Variants in EHBP1 observed in about 807,000 individuals in gnomAD.
The protein encoded by EHBP1 is EH domain binding protein 1, also known as EH domain-binding protein 1.
EHBP1 carries 55 observed loss-of-function variants against 144.0 expected under a neutral mutation model. The ratio of observed to expected loss-of-function variants is 0.38; its 90% confidence interval spans 0.31 to 0.48. The LOEUF is 0.48. Ranked by LOEUF, EHBP1 falls within the 20% of genes least tolerant of loss-of-function variation. EHBP1 has a pLI of 0.98. For missense variants in EHBP1, 1,200 were observed against 1,364.2 expected (o/e 0.88, Z 1.90); for synonymous variants, 469 against 472.7 (o/e 0.99, Z 0.10).
chr2:62,798,153 C>A (rs773500951), intron 5 of EHBP1, among the ~76,000 whole-genome samples: 1 of 151,928 alleles, frequency 6.6e-6, no homozygotes, highest in Non-Finnish European at 1.5e-5. Context: ...GATCACTTAA[C>A]GTCAGGAGTT....
rs189223968 is a variant in EHBP1, at chr2:62,755,221, G to A, written c.162+7769G>A. 2.1e-4 allele frequency among the ~76,000 whole-genome samples: 32 copies of A among 152,306 alleles called. No individual in the cohort carries two copies. In the East Asian group the frequency reaches 5.6e-3, roughly 27 times the overall value. On this transcript the variant is annotated intron_variant, in intron 3 of 22. Coordinates refer to ENST00000431489, the MANE Select transcript of EHBP1 (RefSeq NM_001142616.3). Reference sequence around the variant, plus strand: ...TTGATTTTCTGTTACCATAAGACTAGTGTTGCTTGTTCTTGAGTTTCATGT... The same window carrying A: ...TTGATTTTCTGTTACCATAAGACTAATGTTGCTTGTTCTTGAGTTTCATGT...
At chr2:62,702,716 C>G (rs2034314642), upstream of EHBP1, among the ~76,000 whole-genome samples, 2 of 152,188 alleles carry the variant, frequency 1.3e-5, no homozygotes. Context: ...CGATGTTTGG[C>G]ACTAAGTATT....
chr2:62,958,177 ATACACT>A (rs2057812780), intron 14 of EHBP1, among the ~76,000 whole-genome samples: 1 of 152,182 alleles, frequency 6.6e-6, no homozygotes, highest in Non-Finnish European at 1.5e-5. Flanking sequence ...GAAGCTAAAC[ATACACT>A]TACATGACCC....
At chr2:62,751,906 C>A (rs1428057738) in intron 3 of EHBP1, among the ~76,000 whole-genome samples, 1 of 151,854 alleles carries the variant, frequency 6.6e-6, no homozygotes, top group Admixed American at 6.6e-5. Flanking sequence ...AGCGGTCTAT[C>A]AATTTTGTTG....
intron 2 of EHBP1, among the ~76,000 whole-genome samples, chr2:62,712,263 G>A (rs2035222702): frequency 1.3e-5 from 2 of 152,152 alleles, no homozygotes; most frequent in Non-Finnish European, 2.9e-5. Context: ...AGATAGGTTG[G>A]TAGATTTGGT....
chr2:62,753,059 T>G (rs956462516), intron 3 of EHBP1, among the ~76,000 whole-genome samples: 3 of 152,204 alleles, frequency 2.0e-5, no homozygotes, highest in Non-Finnish European at 2.9e-5. Context: ...GTTAGCTGGT[T>G]ATTTTGCTCG....
At chr2:63,019,797 G>A (rs1432790078) in intron 19 of EHBP1, among the ~76,000 whole-genome samples, 3 of 126,004 alleles carry the variant, frequency 2.4e-5, no homozygotes, top group African/African-American at 8.9e-5. Context: ...AAAGGGGGAG[G>A]GAAAGGAAAG....
chr2:62,830,988 C>T, intron 6 of EHBP1, 31 bp from the exon 7 acceptor site: 1 of 1,599,340 alleles, frequency 6.3e-7, no homozygotes. Flanking sequence ...TCATTTAGTA[C>T]AATGTGTTAT....
intron 19 of EHBP1, among the ~76,000 whole-genome samples, chr2:63,036,072 A>G (rs2061431208): frequency 6.6e-6 from 1 of 152,062 alleles, no homozygotes; most frequent in Admixed American, 6.6e-5. Context: ...AACAACAGCT[A>G]TCTATTTTAT....
At chr2:62,841,358 G>A (rs1184738393) in intron 7 of EHBP1, among the ~76,000 whole-genome samples, 2 of 115,750 alleles carry the variant, frequency 1.7e-5, no homozygotes, top group African/African-American at 3.4e-5. Flanking sequence ...GGGGAGGGGG[G>A]AGGGATAGCA....
chr2:62,805,726 A>G (rs1024575643), intron 5 of EHBP1, among the ~76,000 whole-genome samples: 1 of 152,118 alleles, frequency 6.6e-6, no homozygotes, highest in African/African-American at 2.4e-5. Context: ...CGTGTTGGCC[A>G]GGCTGGTCTC....
At chr2:62,754,633 G>A (rs1332405121) in intron 3 of EHBP1, among the ~76,000 whole-genome samples, 1 of 152,170 alleles carries the variant, frequency 6.6e-6, no homozygotes, top group Non-Finnish European at 1.5e-5. Flanking sequence ...GCTGCGGTGG[G>A]CTCCACCCAG....
chr2:62,878,816 C>G (rs2051115315), intron 10 of EHBP1, among the ~76,000 whole-genome samples: 1 of 151,878 alleles, frequency 6.6e-6, no homozygotes, highest in Non-Finnish European at 1.5e-5. Flanking sequence ...TGAGACAAGC[C>G]TGGCCAAAAT....
intron 10 of EHBP1, among the ~76,000 whole-genome samples, chr2:62,927,303 G>A (rs894753793): frequency 1.3e-5 from 2 of 152,020 alleles, no homozygotes; most frequent in Non-Finnish European, 2.9e-5. Context: ...ACTGTAGAAT[G>A]GCTATAAGTA....
chr2:62,814,212 A>G (rs1303386373), intron 5 of EHBP1, among the ~76,000 whole-genome samples: 3 of 152,148 alleles, frequency 2.0e-5, no homozygotes, highest in African/African-American at 7.2e-5. Flanking sequence ...GAATGCATTA[A>G]TTTCATCATC....
At chr2:63,002,198 A>C (rs1157612430) in intron 19 of EHBP1, among the ~76,000 whole-genome samples, 3 of 152,208 alleles carry the variant, frequency 2.0e-5, no homozygotes, top group African/African-American at 7.2e-5. Flanking sequence ...GGTAGTTTTC[A>C]GTCTGGGACT....
At chr2:62,699,663 T>C (rs1316384971) in intron 1 of EHBP1, among the ~76,000 whole-genome samples, 1 of 152,246 alleles carries the variant, frequency 6.6e-6, no homozygotes, top group African/African-American at 2.4e-5. Context: ...ACGTTTACAG[T>C]TGTCATCCAT....
intron 2 of EHBP1, among the ~76,000 whole-genome samples, chr2:62,726,037 C>G (rs1260878948): frequency 6.6e-6 from 1 of 152,014 alleles, no homozygotes; most frequent in African/African-American, 2.4e-5. Context: ...TTGGGCTGGC[C>G]TTGTCTGATG....
At chr2:62,828,304 A>G (rs1213967286) in intron 6 of EHBP1, among the ~76,000 whole-genome samples, 1 of 152,234 alleles carries the variant, frequency 6.6e-6, no homozygotes, top group Non-Finnish European at 1.5e-5. Context: ...TAAATAATAG[A>G]TACATATTTC....
Sources: allele counts gnomAD v4.1 joint callset (sites outside exome capture counted in the v4.1 genomes callset), GRCh38; gene constraint gnomAD v4.1.1; transcripts MANE v1.5; gene names NCBI Gene and HGNC (gene_info 2026-07-23, HGNC 2026-07-21).